PHF14: variants seen among roughly 807,000 people sequenced by gnomAD.
PHF14 encodes the protein PHD finger protein 14.
Under a neutral mutation model 117.9 loss-of-function variants are expected in PHF14, and 55 were observed. The observed-to-expected ratio is 0.47, with a 90% confidence interval of 0.38 to 0.58. The LOEUF is 0.58. PHF14 is among the 20% of genes least tolerant of loss of function. The pLI is 0.00. For synonymous variants in PHF14, 409 were observed against 368.6 expected (o/e 1.11, Z -1.26); for missense variants, 978 against 1,122.2 (o/e 0.87, Z 1.84).
intron 4 of PHF14, among the ~76,000 whole-genome samples, chr7:10,997,831 A>G (rs1167772468): frequency 1.3e-5 from 2 of 152,240 alleles, no homozygotes; most frequent in African/African-American, 4.8e-5. Context: ...CAGTTGTATC[A>G]GAGTGCTAGT....
intron 5 of PHF14, among the ~76,000 whole-genome samples, chr7:11,017,035 C>T (rs1001589568): frequency 1.3e-5 from 2 of 152,148 alleles, no homozygotes; most frequent in African/African-American, 4.8e-5. Context: ...TTTCACCTAA[C>T]ATAATGATCT....
chr7:11,012,865 A>T (rs76780745), intron 4 of PHF14, among the ~76,000 whole-genome samples: 1 of 152,192 alleles, frequency 6.6e-6, no homozygotes, highest in Non-Finnish European at 1.5e-5. Context: ...AGAGTTAGAG[A>T]TTGGCTCAGT....
At chr7:11,003,475 T>A (rs1782954166) in intron 4 of PHF14, among the ~76,000 whole-genome samples, 1 of 152,242 alleles carries the variant, frequency 6.6e-6, no homozygotes, top group Non-Finnish European at 1.5e-5. Flanking sequence ...CTTTTAATTT[T>A]ATTTTTAAAT....
At chr7:11,057,316 A>G (rs1562443750) in intron 14 of PHF14, among the ~76,000 whole-genome samples, 1 of 152,204 alleles carries the variant, frequency 6.6e-6, no homozygotes, top group Non-Finnish European at 1.5e-5. Context: ...CAAATGATAG[A>G]AAAGTTAGAG....
At chr7:11,105,565 TAAGA>T in intron 16 of PHF14, 1 of 983,052 alleles carries the variant, frequency 1.0e-6, no homozygotes, top group Non-Finnish European at 1.2e-6. Context: ...GAAACTTGTT[TAAGA>T]GACTCAACTT....
chr7:11,153,060 G>C (rs1044431555), intron 17 of PHF14, among the ~76,000 whole-genome samples: 5 of 152,192 alleles, frequency 3.3e-5, no homozygotes, highest in Non-Finnish European at 5.9e-5. Context: ...CTACTAGAGA[G>C]TTCCAAGCAT....
At chr7:10,974,804 G>A in intron 1 of PHF14, 31 bp from the exon 2 acceptor site, 1 of 1,085,312 alleles carries the variant, frequency 9.2e-7, no homozygotes, top group Non-Finnish European at 1.4e-6. Flanking sequence ...GTGTGATTAT[G>A]AATGACAATG....
intron 17 of PHF14, among the ~76,000 whole-genome samples, chr7:11,155,103 A>T (rs1190109674): frequency 6.6e-6 from 1 of 152,156 alleles, no homozygotes; most frequent in East Asian, 1.9e-4. Context: ...AATAGACTTG[A>T]TTGTGCTTTC....
intron 17 of PHF14, among the ~76,000 whole-genome samples, chr7:11,148,570 A>G (rs1345391632): frequency 6.6e-6 from 1 of 150,906 alleles, no homozygotes; most frequent in Non-Finnish European, 1.5e-5. Flanking sequence ...CTTTCACTGT[A>G]TCAAAATATG....
Position 11,042,434 on chromosome 7 carries a change from A to G in PHF14, c.2181-249A>G, listed in dbSNP as rs80343009. Among the ~76,000 whole-genome samples the G allele has an allele frequency of 3.9e-4, 59 of 152,074 alleles. No individual in the cohort carries two copies. In the East Asian group the frequency reaches 0.01, roughly 26 times the overall value. On this transcript the variant is annotated intron_variant, in intron 12 of 17. Transcript: ENST00000634607. ...TACCTTATATATGTAATTCTTTAGA[A>G]GGTTTGACTCTAGTAGTATTTAAAT...
intron 16 of PHF14, among the ~76,000 whole-genome samples, chr7:11,079,005 A>G (rs903633869): frequency 7.2e-5 from 11 of 152,100 alleles, no homozygotes; most frequent in Non-Finnish European, 1.6e-4. Context: ...GTTGCTTTTT[A>G]TTTTAATTCT....
At chr7:11,083,303 A>G (rs913692435) in intron 16 of PHF14, among the ~76,000 whole-genome samples, 2 of 152,052 alleles carry the variant, frequency 1.3e-5, no homozygotes, top group African/African-American at 4.8e-5. Flanking sequence ...TTTATTTCTG[A>G]CATTCTGGAA....
intron 13 of PHF14, among the ~76,000 whole-genome samples, chr7:11,048,688 C>T (rs1346638310): frequency 3.9e-5 from 6 of 152,158 alleles, no homozygotes; most frequent in Non-Finnish European, 5.9e-5. Flanking sequence ...ACATTTTTTA[C>T]ATATCTTAAA....
chr7:11,013,102 T>G (rs1210695123), intron 4 of PHF14, among the ~76,000 whole-genome samples: 1 of 152,212 alleles, frequency 6.6e-6, no homozygotes, highest in Non-Finnish European at 1.5e-5. Context: ...CCTCAGTAAG[T>G]GTTTGCCAAC....
intron 16 of PHF14, among the ~76,000 whole-genome samples, chr7:11,092,016 C>T (rs1375016917): frequency 6.6e-6 from 1 of 152,256 alleles, no homozygotes; most frequent in South Asian, 2.1e-4. Flanking sequence ...AATTTAATTA[C>T]CATGTAGCAG....
chr7:11,072,937 G>C (rs1333639106), intron 16 of PHF14, among the ~76,000 whole-genome samples: 1 of 152,164 alleles, frequency 6.6e-6, no homozygotes, highest in Non-Finnish European at 1.5e-5. Flanking sequence ...GCAAGAATTT[G>C]CTTATTCCCA....
chr7:11,145,757 G>T (rs1358504289), intron 17 of PHF14, among the ~76,000 whole-genome samples: 1 of 152,004 alleles, frequency 6.6e-6, no homozygotes, highest in Non-Finnish European at 1.5e-5. Context: ...TAGATACATG[G>T]AATATTATTA....
intron 17 of PHF14, among the ~76,000 whole-genome samples, chr7:11,132,229 A>G (rs1788109775): frequency 1.3e-5 from 2 of 151,432 alleles, no homozygotes; most frequent in African/African-American, 4.8e-5. Context: ...CTGCTGCTTT[A>G]CATCCTCTGA....
At chr7:10,980,919 A>G (rs982353011) in intron 2 of PHF14, among the ~76,000 whole-genome samples, 1 of 152,168 alleles carries the variant, frequency 6.6e-6, no homozygotes, top group African/African-American at 2.4e-5. Context: ...CTTGTATCCT[A>G]TGCAAGGTTG....
Sources: allele counts gnomAD v4.1 joint callset (sites outside exome capture counted in the v4.1 genomes callset), GRCh38; gene constraint gnomAD v4.1.1; transcripts MANE v1.5; gene names NCBI Gene and HGNC (gene_info 2026-07-23, HGNC 2026-07-21).